The following ULK2 variants were observed in gnomAD, a reference collection of about 807,000 sequenced individuals.
ULK2 encodes unc-51 like autophagy activating kinase 2, also known as serine/threonine-protein kinase ULK2.
ULK2 carries 76 observed loss-of-function variants against 127.5 expected under a neutral mutation model. The observed-to-expected ratio is 0.60, with a 90% CI of 0.50 to 0.72. The LOEUF is 0.72. Among genes scored for constraint, ULK2 ranks in the 30% least tolerant of loss-of-function variants. The pLI, the probability that ULK2 is intolerant of heterozygous loss-of-function variation, is 0.00. For missense variants in ULK2, 1,144 were observed against 1,295.9 expected, an observed-to-expected ratio of 0.88 and a Z score of 1.80; for synonymous variants, 452 against 461.9, an observed-to-expected ratio of 0.98 and a Z score of 0.28.
chr17:19,810,580 A>C, intron 13 of ULK2, 142 bp from the exon 14 acceptor site: 1 of 566,674 alleles, frequency 1.8e-6, no homozygotes, highest in Non-Finnish European at 3.2e-6. Flanking sequence ...TATAAGAAAT[A>C]ATAGATGACC....
intron 10 of ULK2, among the ~76,000 whole-genome samples, chr17:19,835,784 A>G (rs1406661956): frequency 1.3e-5 from 2 of 151,736 alleles, no homozygotes; most frequent in African/African-American, 2.4e-5. Context: ...TAGTACAAAA[A>G]AGCCAGAACA....
rs1258958094 is a variant in ULK2, at chr17:19,775,559, T to A, written c.*790A>T. 1 of 98,278 alleles carries A rather than the reference T, an allele frequency of 1.0e-5. No homozygotes were observed. Among genetic ancestry groups the A allele is most frequent in the African/African-American group, 4.3e-5 (1 of 23,420 alleles). 6.1% of individuals were successfully genotyped at this position (98,278 alleles called of 1,614,324 possible). A position where few individuals can be genotyped will look rare whatever the true frequency, so the allele number is the denominator to read the frequency against. On this transcript the variant is annotated 3_prime_UTR_variant, in exon 27 of 27. Coordinates refer to ENST00000395544, the MANE Select transcript of ULK2 (RefSeq NM_014683.4). ...ACATTACTGAGAAAATCTGTAGGTG[T>A]AGATAAAGAAGTAAAAAAAAAAAAT...
chr17:19,821,890 T>G (rs189505084), intron 12 of ULK2, among the ~76,000 whole-genome samples: 1 of 152,280 alleles, frequency 6.6e-6, no homozygotes, highest in East Asian at 1.9e-4. Flanking sequence ...TTCACCATGT[T>G]GCCCAAGTTG....
chr17:19,847,737 C>G (rs1240178617), intron 5 of ULK2, among the ~76,000 whole-genome samples: 1 of 152,124 alleles, frequency 6.6e-6, no homozygotes, highest in Non-Finnish European at 1.5e-5. Context: ...TTTGTAGAGA[C>G]AGGGTTTTGC....
Position 19,864,508 on chromosome 17 carries a change from C to G in ULK2, c.225+295G>C, listed in dbSNP as rs557933216. The stretch of plus-strand genomic sequence containing the variant: ...AAAGCTCTATTTTTAATTGTCCTTT[C>G]AACATTCATCAGAGAATGCTAGATC... On this transcript the variant is annotated intron_variant, in intron 3 of 26. Transcript: ENST00000395544. Among the ~76,000 whole-genome samples the G allele has an allele frequency of 3.3e-4, 50 of 152,020 alleles. 1 individual carries two copies. In the South Asian group the frequency reaches 0.01, roughly 32 times the overall value.
chr17:19,855,548 C>T lies in ULK2; in HGVS notation c.226-5774G>A, dbSNP rs1253836842. On this transcript the variant is annotated intron_variant, in intron 3 of 26. Transcript: ENST00000395544. ...CCGAGAGGCGGAGGTTGTAGTGAGC[C>T]GAGACTGTGCCATTGCACTCCAGCC... 3.5e-5 allele frequency among the ~76,000 whole-genome samples: 5 copies of T among 143,634 alleles called. No individual in the cohort carries two copies. The South Asian group carries it at 6.7e-4, about 19-fold the overall frequency. The allele number at this position is 143,634 out of a possible 152,430, so 94.2% of individuals were successfully genotyped here. A position where few individuals can be genotyped will look rare whatever the true frequency, so the allele number is the denominator to read the frequency against.
intron 21 of ULK2, among the ~76,000 whole-genome samples, chr17:19,784,582 G>A (rs2086989102): frequency 7.1e-6 from 1 of 140,078 alleles, no homozygotes. Context: ...GAATTGCAGT[G>A]GCGTGATCAC....
intron 9 of ULK2, among the ~76,000 whole-genome samples, chr17:19,839,126 G>A (rs762412691): frequency 1.3e-5 from 2 of 152,038 alleles, no homozygotes; most frequent in Non-Finnish European, 2.9e-5. Context: ...GTTGTTTTGA[G>A]TATCTGCAGG....
In ULK2 at chr17:19,776,391, C is replaced by T; in HGVS notation, c.3069G>A (p.Glu1023=). 6.2e-7 allele frequency: 1 copy of T among 1,601,448 alleles called. No homozygotes were observed. ...ENVHKYKCSI[E]RRLSALCHST... is the part of the protein sequence containing the mutation. Reference sequence around the variant, plus strand: ...TATGGCAGAGCGCCGACAGTCTTCTCTCAATACTACATTTATCTAGAAATA... The same window carrying T: ...TATGGCAGAGCGCCGACAGTCTTCTTTCAATACTACATTTATCTAGAAATA... The change falls in exon 27 of 27, where the codon GAG becomes GAA. Residue 1023 remains glutamate (E), a synonymous_variant. Transcript: ENST00000395544.
rs185647782 is a variant in ULK2 at position 19,786,893 on chromosome 17, A to T, written c.2102-807T>A. 3.5e-3 allele frequency among the ~76,000 whole-genome samples: 534 copies of T among 152,312 alleles called. 3 individuals carry two copies. Among genetic ancestry groups the T allele is most frequent in the African/African-American group, 0.012 (515 of 41,568 alleles). On this transcript the variant is annotated intron_variant, in intron 20 of 26. Coordinates refer to ENST00000395544, the MANE Select transcript of ULK2 (RefSeq NM_014683.4). ...ATCTGTAAAGATAATTACAAAACAC[A>T]AACTGTATATTTCTTCTGTTAACTG...
Position 19,780,498 on chromosome 17 carries a change from G to C in ULK2, c.2890C>G (p.Leu964Val). The change falls in exon 25 of 27, where the codon CTC (leucine) becomes GTC (valine). Residue 964 changes from leucine (L) to valine (V), a missense_variant. Coordinates refer to ENST00000395544, the MANE Select transcript of ULK2 (RefSeq NM_014683.4). Reference protein sequence around the residue: ...DEINSVTAEKLIYNCAVEMVQ... With the variant: ...DEINSVTAEKVIYNCAVEMVQ... ...ATTTCTACAGCACAATTATAGATGA[G>C]TTTCTCTGCAGTCACACTGTTGATT... 6.2e-7 allele frequency: 1 copy of C among 1,613,038 alleles called. No homozygotes were observed.
At chr17:19,815,429 C>T (rs1020005445) in intron 13 of ULK2, among the ~76,000 whole-genome samples, 32 of 151,956 alleles carry the variant, frequency 2.1e-4, no homozygotes, top group African/African-American at 6.5e-4. Context: ...ATTACAGGTG[C>T]GCGCCACCAT....
chr17:19,827,707 T>C (rs1006127240), intron 10 of ULK2, among the ~76,000 whole-genome samples: 1 of 151,268 alleles, frequency 6.6e-6, no homozygotes, highest in African/African-American at 2.4e-5. Flanking sequence ...AGGTCAGGAG[T>C]TTGAGACCAG....
Position 19,776,338 on chromosome 17 carries a change from G to A in ULK2, c.*11C>T, listed in dbSNP as rs751518943. The stretch of plus-strand genomic sequence containing the variant: ...CGTTCCCACCACCGGTCCACGGGAT[G>A]AGCCTGCTGCTCACACGGTTGCGGT... On this transcript the variant is annotated 3_prime_UTR_variant, in exon 27 of 27. Transcript: ENST00000395544. 2.5e-6 allele frequency: 4 copies of A among 1,600,146 alleles called. No homozygotes were observed. The highest frequency in any genetic ancestry group is 2.7e-5 in the African/African-American group (2 of 74,398).
At chr17:19,860,135 G>GGTTATAGACTGATATATGTA (rs2307587) in intron 3 of ULK2, among the ~76,000 whole-genome samples, 3 of 152,042 alleles carry the variant, frequency 2.0e-5, no homozygotes, top group Non-Finnish European at 4.4e-5. Flanking sequence ...AAGTATAAAT[G>GGTTATAGACTGATATATGTA]TTTAGAAAAT....
intron 18 of ULK2, among the ~76,000 whole-genome samples, chr17:19,796,711 C>T (rs568902668): frequency 1.2e-3 from 184 of 152,264 alleles, no homozygotes; most frequent in African/African-American, 4.3e-3. Context: ...TTTCTGTGAA[C>T]GGCCCGGTCC....
At chr17:19,841,814 A>G (rs1397387235) in intron 8 of ULK2, among the ~76,000 whole-genome samples, 3 of 152,090 alleles carry the variant, frequency 2.0e-5, no homozygotes, top group African/African-American at 7.2e-5. Context: ...AACTCATAAA[A>G]CCTATGACAT....
chr17:19,820,174 G>A (rs560958359), intron 12 of ULK2, among the ~76,000 whole-genome samples: 12 of 151,354 alleles, frequency 7.9e-5, no homozygotes, highest in South Asian at 2.1e-4. Context: ...GCAGCCTCCC[G>A]AGTAGCTGGA....
At chr17:19,822,443 C>A (rs1597767745) in intron 12 of ULK2, among the ~76,000 whole-genome samples, 1 of 150,592 alleles carries the variant, frequency 6.6e-6, no homozygotes, top group African/African-American at 2.4e-5. Flanking sequence ...CTCACTGCAG[C>A]CTCTGCCTCC....
Sources: allele counts gnomAD v4.1 joint callset (sites outside exome capture counted in the v4.1 genomes callset), GRCh38; gene constraint gnomAD v4.1.1; transcripts MANE v1.5; gene names NCBI Gene and HGNC (gene_info 2026-07-23, HGNC 2026-07-21).